GALNT13: variants seen among roughly 807,000 people sequenced by gnomAD.
The protein encoded by GALNT13 is UDP-GalNAc:polypeptide N-acetylgalactosaminyltransferase 13.
In GALNT13, 28 loss-of-function variants were observed where a neutral mutation model predicts 64.2. That is an observed-to-expected ratio of 0.44 (90% confidence interval 0.32 to 0.60). The LOEUF (loss-of-function observed/expected upper bound fraction) is 0.60, where lower values mean the gene tolerates loss of function less well. GALNT13 is among the 20% of genes least tolerant of loss of function. The pLI is 0.05. For missense variants in GALNT13, 577 were observed against 669.8 expected, an observed-to-expected ratio of 0.86 and a Z score of 1.53; for synonymous variants, 214 against 224.6, an observed-to-expected ratio of 0.95 and a Z score of 0.42.
intron 4 of GALNT13, among the ~76,000 whole-genome samples, chr2:154,228,162 A>G (rs1035563212): frequency 2.0e-5 from 3 of 152,024 alleles, no homozygotes; most frequent in African/African-American, 7.2e-5. Context: ...AACAGTTTTT[A>G]TATTTCATTT....
chr2:153,337,780 T>A, the GALNT13 span: 1 of 152,206 alleles, frequency 6.6e-6, no homozygotes, highest in Non-Finnish European at 1.5e-5. Context: ...GCTGCTGCAA[T>A]GTAAGTTGAT....
the GALNT13 span, among the ~76,000 whole-genome samples, chr2:153,495,338 A>C: frequency 1.4e-5 from 2 of 145,424 alleles, no homozygotes; most frequent in South Asian, 2.1e-4. Context: ...ACAACAACAA[A>C]AACAACAACA....
the GALNT13 span, among the ~76,000 whole-genome samples, chr2:153,651,092 A>C: frequency 1.3e-5 from 2 of 152,182 alleles, no homozygotes; most frequent in Non-Finnish European, 2.9e-5. Flanking sequence ...TGTCCCTATA[A>C]TTAACAATAG....
the GALNT13 span, among the ~76,000 whole-genome samples, chr2:153,141,657 C>T: frequency 3.2e-4 from 49 of 151,996 alleles, 1 homozygote; most frequent in African/African-American, 2.2e-4. Flanking sequence ...TTTGCTGCCA[C>T]AGTCTCTTGC....
chr2:153,473,296 T>C, the GALNT13 span, among the ~76,000 whole-genome samples: 2 of 152,144 alleles, frequency 1.3e-5, no homozygotes, highest in Non-Finnish European at 2.9e-5. Context: ...AAAAATAAGA[T>C]GTATACATAT....
chr2:153,258,478 T>C, the GALNT13 span, among the ~76,000 whole-genome samples: 6 of 152,196 alleles, frequency 3.9e-5, no homozygotes, highest in African/African-American at 7.2e-5. Context: ...ATCTTTATTA[T>C]AGTCTTTCTT....
intron 4 of GALNT13, among the ~76,000 whole-genome samples, chr2:154,143,848 A>G (rs13026756): frequency 0.75 from 102,110 of 136,208 alleles, 38,761 homozygotes; most frequent in East Asian, 0.96. Context: ...GTGACAGAGT[A>G]AGACTCTGTC....
At chr2:154,318,756 A>T (rs1350327615) in intron 9 of GALNT13, among the ~76,000 whole-genome samples, 2 of 151,906 alleles carry the variant, frequency 1.3e-5, no homozygotes, top group African/African-American at 2.4e-5. Context: ...AGATTAAAAT[A>T]TGATCTGAAA....
chr2:153,152,758 A>G, the GALNT13 span, among the ~76,000 whole-genome samples: 2 of 152,124 alleles, frequency 1.3e-5, no homozygotes, highest in Admixed American at 1.3e-4. Context: ...TTATGGCTGC[A>G]TAGTATTCCT....
intron 9 of GALNT13, among the ~76,000 whole-genome samples, chr2:154,332,284 C>T (rs527806161): frequency 5.3e-5 from 8 of 152,156 alleles, no homozygotes; most frequent in African/African-American, 1.9e-4. Flanking sequence ...AAATAACAAA[C>T]ATAAATGCTG....
chr2:153,780,791 C>T, the GALNT13 span, among the ~76,000 whole-genome samples: 2 of 152,002 alleles, frequency 1.3e-5, no homozygotes, highest in African/African-American at 4.8e-5. Flanking sequence ...ATTGCCTGCT[C>T]GTTGTGGCAA....
At chr2:154,406,674 C>T (rs527377049) in intron 10 of GALNT13, among the ~76,000 whole-genome samples, 6 of 152,242 alleles carry the variant, frequency 3.9e-5, no homozygotes, top group African/African-American at 1.4e-4. Context: ...TCTACCCTTA[C>T]TTACTGTGCT....
At chr2:153,187,886 C>T in the GALNT13 span, among the ~76,000 whole-genome samples, 1 of 152,006 alleles carries the variant, frequency 6.6e-6, no homozygotes, top group African/African-American at 2.4e-5. Flanking sequence ...GATAAGTCAT[C>T]ATTACCAAGT....
rs529241692 is a variant in GALNT13, at chr2:153,889,337, C to T, written c.-176-11599C>T. On this transcript the variant is annotated intron_variant, in intron 1 of 12. Coordinates refer to ENST00000392825, the MANE Select transcript of GALNT13 (RefSeq NM_052917.4). ...AAAATGCTCCTTATCCCAAACCTTA[C>T]GTTCAGTATAACTTTCTTGTTAGGT... 4.6e-5 allele frequency among the ~76,000 whole-genome samples: 7 copies of T among 151,968 alleles called. No individual in the cohort carries two copies. In the South Asian group the frequency reaches 6.2e-4, roughly 14 times the overall value.
intron 3 of GALNT13, among the ~76,000 whole-genome samples, chr2:154,041,857 C>A (rs1021443022): frequency 7.1e-6 from 1 of 140,012 alleles, no homozygotes; most frequent in Non-Finnish European, 1.6e-5. Flanking sequence ...ATAGATTTTA[C>A]TGCTCTTTCT....
At chr2:154,182,058 GCTAA>G (rs1304698907) in intron 4 of GALNT13, among the ~76,000 whole-genome samples, 15 of 152,056 alleles carry the variant, frequency 9.9e-5, no homozygotes, top group Non-Finnish European at 2.2e-4. Context: ...CAAACACTAT[GCTAA>G]CTATTATATA....
intron 9 of GALNT13, among the ~76,000 whole-genome samples, chr2:154,344,423 T>C (rs1695952744): frequency 6.6e-6 from 1 of 152,048 alleles, no homozygotes; most frequent in South Asian, 2.1e-4. Context: ...ACATCAATGC[T>C]TTCACAAAGG....
chr2:153,339,546 TCTC>T, the GALNT13 span, among the ~76,000 whole-genome samples: 1 of 152,204 alleles, frequency 6.6e-6, no homozygotes, highest in Admixed American at 6.5e-5. Flanking sequence ...ACAAATATAT[TCTC>T]CTATTCTGTA....
chr2:153,579,635 A>G, the GALNT13 span, among the ~76,000 whole-genome samples: 437 of 152,180 alleles, frequency 2.9e-3, 9 homozygotes, highest in Admixed American at 0.023. Context: ...GCGGTCCCCA[A>G]CCCCTGGGCC....
Sources: gnomAD v4.1 joint callset for allele counts (sites outside exome capture counted in the v4.1 genomes callset) on GRCh38, gnomAD v4.1.1 for gene constraint, MANE v1.5 for transcripts, NCBI Gene and HGNC (gene_info 2026-07-23, HGNC 2026-07-21) for gene names.